Variants in SPAG16 observed in about 807,000 individuals in gnomAD.
SPAG16 encodes the protein sperm-associated antigen 16 protein.
Under a neutral mutation model 80.4 loss-of-function variants are expected in SPAG16, and 86 were observed. The ratio of observed to expected loss-of-function variants is 1.07; its 90% CI spans 0.90 to 1.28. The LOEUF (loss-of-function observed/expected upper bound fraction) is 1.28. Among genes scored for constraint, SPAG16 ranks in the 50% most tolerant of loss-of-function variants. The probability of loss-of-function intolerance (pLI) is 0.00; values close to 1 mark genes in which losing one functional copy is unlikely to be tolerated. For synonymous variants in SPAG16, 294 were observed against 265.9 expected (o/e 1.11, Z -1.03); for missense variants, 870 against 765.3 (o/e 1.14, Z -1.61).
chr2:214,326,016 C>G (rs972640677), intron 15 of SPAG16, among the ~76,000 whole-genome samples: 3 of 152,110 alleles, frequency 2.0e-5, no homozygotes, highest in Non-Finnish European at 4.4e-5. Context: ...GATTGAATAG[C>G]CCCTTCCATC....
chr2:213,693,279 A>C (rs893465103), intron 10 of SPAG16, among the ~76,000 whole-genome samples: 3 of 152,198 alleles, frequency 2.0e-5, no homozygotes, highest in African/African-American at 7.2e-5. Context: ...GGTGCTTAGA[A>C]CCATCAGTAG....
intron 10 of SPAG16, among the ~76,000 whole-genome samples, chr2:213,600,338 C>G (rs2061020301): frequency 6.6e-6 from 1 of 152,136 alleles, no homozygotes; most frequent in Non-Finnish European, 1.5e-5. Context: ...TTTTCCAAGT[C>G]TTCAGCCATG....
At chr2:214,233,928 C>A (rs535646140) in intron 15 of SPAG16, among the ~76,000 whole-genome samples, 1 of 152,052 alleles carries the variant, frequency 6.6e-6, no homozygotes, top group African/African-American at 2.4e-5. Flanking sequence ...GCAGCATGTA[C>A]AGGTTTGTTA....
chr2:213,995,431 A>G (rs1028872451), intron 12 of SPAG16, among the ~76,000 whole-genome samples: 47 of 152,346 alleles, frequency 3.1e-4, no homozygotes, highest in East Asian at 1.3e-3. Context: ...CATGAATAGC[A>G]TATATGGAAT....
intron 12 of SPAG16, among the ~76,000 whole-genome samples, chr2:213,958,440 C>T (rs1180685632): frequency 6.6e-6 from 1 of 152,102 alleles, no homozygotes; most frequent in Non-Finnish European, 1.5e-5. Context: ...GGAAACTATG[C>T]AAAGTGTGAC....
intron 9 of SPAG16, among the ~76,000 whole-genome samples, chr2:213,484,413 C>G (rs1042546332): frequency 6.6e-6 from 1 of 152,112 alleles, no homozygotes; most frequent in African/African-American, 2.4e-5. Context: ...TTAGCTCAAT[C>G]AAGCCTTGCT....
At chr2:214,319,200 C>CACACACACACACACA (rs140486125) in intron 15 of SPAG16, among the ~76,000 whole-genome samples, 5 of 142,340 alleles carry the variant, frequency 3.5e-5, no homozygotes, top group East Asian at 2.1e-4. Context: ...CACACACACA[C>CACACACACACACACA]CACACACACA....
At chr2:214,110,456 G>A (rs936327928) in intron 14 of SPAG16, among the ~76,000 whole-genome samples, 2 of 152,140 alleles carry the variant, frequency 1.3e-5, no homozygotes, top group African/African-American at 4.8e-5. Context: ...TCCCTGCAAA[G>A]GACATGAGCT....
At chr2:213,464,235 CA>C (rs2072546121) in intron 9 of SPAG16, among the ~76,000 whole-genome samples, 1 of 152,192 alleles carries the variant, frequency 6.6e-6, no homozygotes, top group South Asian at 2.1e-4. Flanking sequence ...AACTCAGCTT[CA>C]AAGGGGTGTT....
At chr2:213,623,670 T>G (rs1390349004) in intron 10 of SPAG16, among the ~76,000 whole-genome samples, 1 of 152,168 alleles carries the variant, frequency 6.6e-6, no homozygotes, top group Non-Finnish European at 1.5e-5. Flanking sequence ...TAATAAATAT[T>G]TAACCTAGGA....
intron 10 of SPAG16, among the ~76,000 whole-genome samples, chr2:213,763,952 G>A (rs2068798273): frequency 6.6e-6 from 1 of 152,184 alleles, no homozygotes; most frequent in Non-Finnish European, 1.5e-5. Context: ...GGCTTCAGGA[G>A]GTGTGTGAAC....
chr2:214,098,017 A>G (rs13387606), intron 13 of SPAG16, among the ~76,000 whole-genome samples: 22,577 of 151,976 alleles, frequency 0.15, 1,967 homozygotes, highest in Admixed American at 0.19. Flanking sequence ...TTCAGACCCA[A>G]GTAGTTTCGC....
chr2:213,615,522 C>T (rs1432766861), intron 10 of SPAG16, among the ~76,000 whole-genome samples: 1 of 152,056 alleles, frequency 6.6e-6, no homozygotes, highest in Non-Finnish European at 1.5e-5. Context: ...ACCTGAGAGG[C>T]GGAGGTTGCA....
At chr2:214,146,486 G>C (rs2055644059) in intron 14 of SPAG16, among the ~76,000 whole-genome samples, 1 of 152,156 alleles carries the variant, frequency 6.6e-6, no homozygotes, top group Non-Finnish European at 1.5e-5. Flanking sequence ...TGCTTTGGAA[G>C]GACTTGGACC....
intron 10 of SPAG16, among the ~76,000 whole-genome samples, chr2:213,850,969 T>C (rs1364245875): frequency 1.3e-5 from 2 of 152,150 alleles, no homozygotes; most frequent in African/African-American, 2.4e-5. Context: ...GCCAAAATAG[T>C]ATTACTCTTA....
In SPAG16 at chr2:213,490,051, T is replaced by C. The variant is rs1197264272; in HGVS notation, c.1031T>C (p.Leu344Pro). ...TCTCCAGCAAAATTTGACTACAAGC[T>C]GAAAAACATTTTTAGACTCCATGAA... ...SLSPAKFDYK[L>P]KNIFRLHELP... Residue 344 changes from leucine (L) to proline (P), a missense_variant, in exon 10 of 16, where the codon CTG (leucine) becomes CCG (proline). Leu to Pro is a moderately conservative substitution (Grantham distance 98, BLOSUM62 -3). Transcript: ENST00000331683. The C allele has an allele frequency of 1.9e-6, 3 of 1,607,524 alleles. No individual in the cohort carries two copies. In the East Asian group the frequency reaches 6.8e-5, roughly 36 times the overall value.
intron 6 of SPAG16, among the ~76,000 whole-genome samples, chr2:213,350,047 G>T (rs921504461): frequency 6.6e-6 from 1 of 152,106 alleles, no homozygotes; most frequent in Non-Finnish European, 1.5e-5. Context: ...TATTCCTTCT[G>T]TTTAGATATC....
At chr2:213,419,488 G>A (rs2069463511) in intron 9 of SPAG16, among the ~76,000 whole-genome samples, 1 of 152,064 alleles carries the variant, frequency 6.6e-6, no homozygotes, top group South Asian at 2.1e-4. Flanking sequence ...TATAGAAAAG[G>A]ATCACATGCT....
intron 9 of SPAG16, among the ~76,000 whole-genome samples, chr2:213,466,994 C>T (rs2125636848): frequency 6.6e-6 from 1 of 152,262 alleles, no homozygotes; most frequent in South Asian, 2.1e-4. Context: ...TTAGTTCCCT[C>T]AGGTATTTGA....
Sources: allele counts gnomAD v4.1 joint callset (sites outside exome capture counted in the v4.1 genomes callset), GRCh38; gene constraint gnomAD v4.1.1; transcripts MANE v1.5; gene names NCBI Gene and HGNC (gene_info 2026-07-23, HGNC 2026-07-21).